CNTN5: variants seen among roughly 807,000 people sequenced by gnomAD.
CNTN5 encodes the protein contactin-5.
In CNTN5, 77 loss-of-function variants were observed where a neutral mutation model predicts 129.1. The ratio of observed to expected loss-of-function variants is 0.60; its 90% CI spans 0.50 to 0.72. The LOEUF (loss-of-function observed/expected upper bound fraction) is 0.72, where lower values mean the gene tolerates loss of function less well. CNTN5 is among the 30% of genes least tolerant of loss of function. The pLI, the probability that CNTN5 is intolerant of heterozygous loss-of-function variation, is 0.00. For synonymous variants in CNTN5, 509 were observed against 465.6 expected, an observed-to-expected ratio of 1.09 and a Z score of -1.20; for missense variants, 1,478 against 1,328.8, an observed-to-expected ratio of 1.11 and a Z score of -1.75.
rs35265352 is a variant in CNTN5, at chr11:99,478,647, AT to A, written c.-70-77489del. ...CTCTTTCAACAATGTGGATATATGG[AT>A]TTTTTTTTGAGATGGTTGTTAAACC... On this transcript the variant is annotated intron_variant, in intron 2 of 24. Transcript: ENST00000524871. Among the ~76,000 whole-genome samples, 409 of 151,314 alleles carry A rather than the reference AT, an allele frequency of 2.7e-3. 3 individuals are homozygous for A. The highest frequency in any genetic ancestry group is 8.9e-3 in the African/African-American group (367 of 41,264).
chr11:99,844,640 A>C, intron 4 of CNTN5: 1 of 546,820 alleles, frequency 1.8e-6, no homozygotes, highest in South Asian at 2.0e-5. Context: ...TTACACGTTT[A>C]ACAGCATTTT....
intron 9 of CNTN5, among the ~76,000 whole-genome samples, chr11:100,060,685 G>A (rs1424176640): frequency 6.9e-6 from 1 of 145,954 alleles, no homozygotes; most frequent in Non-Finnish European, 1.5e-5. Context: ...TGTTGCCCAG[G>A]CTGGAGTGCA....
At chr11:99,668,359 G>C (rs1952886118) in intron 3 of CNTN5, among the ~76,000 whole-genome samples, 1 of 152,096 alleles carries the variant, frequency 6.6e-6, no homozygotes, top group Non-Finnish European at 1.5e-5. Context: ...GCAGCAAAGA[G>C]GGACTCAGTG....
chr11:99,877,810 C>T (rs979489910), intron 6 of CNTN5, among the ~76,000 whole-genome samples: 21 of 152,100 alleles, frequency 1.4e-4, no homozygotes, highest in Admixed American at 1.3e-4. Flanking sequence ...TTCATATTGC[C>T]TATTGACTTT....
At chr11:99,589,784 A>G (rs2135662714) in intron 3 of CNTN5, among the ~76,000 whole-genome samples, 1 of 152,334 alleles carries the variant, frequency 6.6e-6, no homozygotes, top group Non-Finnish European at 1.5e-5. Flanking sequence ...CTATGTCTCT[A>G]ACATTGGAAT....
chr11:100,306,223 A>G (rs533078316), intron 20 of CNTN5, among the ~76,000 whole-genome samples: 1 of 151,842 alleles, frequency 6.6e-6, no homozygotes, highest in Non-Finnish European at 1.5e-5. Context: ...CTTTTAAATA[A>G]AAGTTAAGGT....
intron 1 of CNTN5, among the ~76,000 whole-genome samples, chr11:99,176,116 G>A (rs1857759702): frequency 6.6e-6 from 1 of 152,150 alleles, no homozygotes; most frequent in Non-Finnish European, 1.5e-5. Flanking sequence ...TAGTCCTCAT[G>A]TTCTTAGAAG....
chr11:99,969,975 C>G (rs1454680814), intron 8 of CNTN5, among the ~76,000 whole-genome samples: 1 of 152,156 alleles, frequency 6.6e-6, no homozygotes, highest in East Asian at 1.9e-4. Flanking sequence ...ATCCCACAAA[C>G]TAACTTCTGC....
At chr11:100,040,554 C>A (rs952350579) in intron 9 of CNTN5, among the ~76,000 whole-genome samples, 4 of 152,210 alleles carry the variant, frequency 2.6e-5, no homozygotes, top group African/African-American at 4.8e-5. Flanking sequence ...TTTGTCTGTG[C>A]CCTGCCCCCA....
chr11:99,716,452 C>G (rs1955235519), intron 3 of CNTN5, among the ~76,000 whole-genome samples: 1 of 151,992 alleles, frequency 6.6e-6, no homozygotes, highest in African/African-American at 2.4e-5. Flanking sequence ...TCGTCTTCCT[C>G]TCTCCACCTC....
chr11:99,643,348 A>G (rs891334187), intron 3 of CNTN5, among the ~76,000 whole-genome samples: 2 of 152,152 alleles, frequency 1.3e-5, no homozygotes, highest in African/African-American at 2.4e-5. Context: ...ATGAGGCAAT[A>G]CCTTGTGATT....
At chr11:99,086,274 T>TAGAC (rs1455444901) in intron 1 of CNTN5, among the ~76,000 whole-genome samples, 2 of 152,172 alleles carry the variant, frequency 1.3e-5, no homozygotes, top group Non-Finnish European at 2.9e-5. Context: ...CCACACTCAA[T>TAGAC]AGACTGTGAT....
In CNTN5 at chr11:99,531,059, C is replaced by A. The variant is rs754293291; in HGVS notation, c.-70-25086C>A. ...ACAGTTTGGAAGGCTCAGAAGAAGA[C>A]AGGAAAATGTGGAAGAGTTTGGAAC... On this transcript the variant is annotated intron_variant, in intron 2 of 24. Coordinates refer to ENST00000524871, the MANE Select transcript of CNTN5 (RefSeq NM_014361.4). 3.2e-4 allele frequency among the ~76,000 whole-genome samples: 48 copies of A among 152,122 alleles called. 1 individual carries two copies. The highest frequency in any genetic ancestry group is 7.4e-5 in the Non-Finnish European group (5 of 68,018).
At chr11:99,724,692 A>G (rs1367262061) in intron 3 of CNTN5, among the ~76,000 whole-genome samples, 1 of 152,174 alleles carries the variant, frequency 6.6e-6, no homozygotes, top group Non-Finnish European at 1.5e-5. Context: ...ACTACCTTTT[A>G]GTTATCGGTA....
At chr11:99,235,364 G>T (rs750435317) in intron 1 of CNTN5, among the ~76,000 whole-genome samples, 3 of 151,872 alleles carry the variant, frequency 2.0e-5, no homozygotes, top group Non-Finnish European at 2.9e-5. Context: ...TATACTTTGG[G>T]ACCTATTCAT....
At chr11:100,274,194 T>A (rs1245816766) in intron 18 of CNTN5, among the ~76,000 whole-genome samples, 1 of 152,160 alleles carries the variant, frequency 6.6e-6, no homozygotes, top group African/African-American at 2.4e-5. Context: ...ACTGGACCAC[T>A]TCCTTTCACT....
intron 1 of CNTN5, among the ~76,000 whole-genome samples, chr11:99,212,055 G>C (rs1364572194): frequency 6.6e-6 from 1 of 152,256 alleles, no homozygotes; most frequent in East Asian, 1.9e-4. Flanking sequence ...ATAAGACAAT[G>C]AAACTTTTTG....
At chr11:99,462,350 CTTTTCTTTTCT>C (rs755856979) in intron 2 of CNTN5, among the ~76,000 whole-genome samples, 5,709 of 109,490 alleles carry the variant, frequency 0.052, 131 homozygotes, top group South Asian at 0.12. Flanking sequence ...TTCTTTTTTT[CTTTTCTTTTCT>C]TTTTTTTTTT....
intron 8 of CNTN5, among the ~76,000 whole-genome samples, chr11:99,987,959 C>A (rs974502537): frequency 2.6e-5 from 4 of 152,206 alleles, no homozygotes; most frequent in African/African-American, 4.8e-5. Flanking sequence ...AGGCTTGTAG[C>A]AGATGTTCAG....
Sources: allele counts gnomAD v4.1 joint callset (sites outside exome capture counted in the v4.1 genomes callset), GRCh38; gene constraint gnomAD v4.1.1; transcripts MANE v1.5; gene names NCBI Gene and HGNC (gene_info 2026-07-23, HGNC 2026-07-21).